AUNIP: variants seen among roughly 807,000 people sequenced by gnomAD.
The protein encoded by AUNIP is aurora kinase A and ninein interacting protein.
AUNIP carries 16 observed loss-of-function variants against 12.2 expected under a neutral mutation model. The ratio of observed to expected loss-of-function variants is 1.31; its 90% confidence interval spans 0.88 to 1.99. The LOEUF (loss-of-function observed/expected upper bound fraction) is 1.99, where lower values mean the gene tolerates loss of function less well. AUNIP is among the 30% of genes most tolerant of loss of function. The probability of loss-of-function intolerance (pLI) is 0.00; values close to 1 mark genes in which losing one functional copy is unlikely to be tolerated. For missense variants in AUNIP, 411 were observed against 419.1 expected, an observed-to-expected ratio of 0.98 and a Z score of 0.17; for synonymous variants, 142 against 154.8, an observed-to-expected ratio of 0.92 and a Z score of 0.61.
chr1:25,843,463 A>C (rs2048359571), intron 1 of AUNIP, among the ~76,000 whole-genome samples: 1 of 151,498 alleles, frequency 6.6e-6, no homozygotes, highest in Non-Finnish European at 1.5e-5. Context: ...GTCAGTAAGA[A>C]CATTCGTGAT....
At position 25,835,373 on chromosome 1, in the gene AUNIP, C is replaced by A. The variant is rs756510862; in HGVS notation, c.694G>T (p.Glu232Ter). ...TTTTCTTTGGCAGACACCTTTCTTT[C>A]CAATTTAGTCTTGCCTAAGGGCTGA... ...CCQPLGKTKL[E>*]RKVSAKENRQ... Residue 232 changes from glutamate (E) to a stop codon, truncating the protein, a stop_gained, in exon 3 of 3, where the codon GAA becomes TAA. Coordinates refer to ENST00000374298, the MANE Select transcript of AUNIP (RefSeq NM_024037.3). LOFTEE classifies it low-confidence loss of function (END_TRUNC). 4.2e-5 allele frequency: 68 copies of A among 1,614,106 alleles called. 1 individual carries two copies. The highest frequency in any genetic ancestry group is 5.8e-5 in the Non-Finnish European group (68 of 1,180,052).
chr1:25,846,349 G>T (rs1167688987), intron 1 of AUNIP, among the ~76,000 whole-genome samples: 4 of 149,578 alleles, frequency 2.7e-5, no homozygotes, highest in Non-Finnish European at 5.9e-5. Context: ...AACTCAGGAG[G>T]TGGAGGCTTC....
chr1:25,847,688 G>A lies in AUNIP; in HGVS notation c.79-10134C>T, dbSNP rs142237449. Among the ~76,000 whole-genome samples, 254 of 152,238 alleles carry A rather than the reference G, an allele frequency of 1.7e-3. 2 individuals are homozygous for A. Among genetic ancestry groups the A allele is most frequent in the East Asian group, 0.011 (57 of 5,178 alleles). ...AATAAACAACTGGCCAGACACAGTGGCTCACACCTGTAATCCCAGCACTTT... is the reference window on the plus strand; with the variant it reads ...AATAAACAACTGGCCAGACACAGTGACTCACACCTGTAATCCCAGCACTTT... On this transcript the variant is annotated intron_variant, in intron 1 of 2. Transcript: ENST00000374298. The surrounding 1 kb of genome is among the most constrained non-coding windows in gnomAD (Gnocchi z 4.2).
At chr1:25,841,776 G>A (rs796988187) in intron 1 of AUNIP, among the ~76,000 whole-genome samples, 13 of 152,050 alleles carry the variant, frequency 8.5e-5, no homozygotes, top group South Asian at 4.1e-4. Context: ...CGCCCGCCTC[G>A]GCCTCCCAAA....
intron 1 of AUNIP, among the ~76,000 whole-genome samples, chr1:25,854,522 C>A (rs966236156): frequency 2.7e-4 from 41 of 152,156 alleles, no homozygotes; most frequent in Admixed American, 2.2e-3. Context: ...GATCTGCAGG[C>A]CTGTGAACTA....
chr1:25,846,530 C>T (rs1331084253), intron 1 of AUNIP, among the ~76,000 whole-genome samples: 1 of 151,752 alleles, frequency 6.6e-6, no homozygotes, highest in African/African-American at 2.4e-5. Context: ...TCAAGACCAG[C>T]CTGGCCAATG....
chr1:25,831,960 T>C, downstream of AUNIP: 1 of 1,614,232 alleles, frequency 6.2e-7, no homozygotes, highest in Non-Finnish European at 8.5e-7. Context: ...CTGCTGTGCT[T>C]ATCTCTGAGG....
At chr1:25,832,295 A>T (rs959606888), downstream of AUNIP, 14 of 1,013,006 alleles carry the variant, frequency 1.4e-5, no homozygotes, top group Non-Finnish European at 1.9e-5. Context: ...GTAAGAGAGA[A>T]GTTGTTTCTG....
At chr1:25,841,565 C>T (rs1314217076) in intron 1 of AUNIP, among the ~76,000 whole-genome samples, 1 of 151,756 alleles carries the variant, frequency 6.6e-6, no homozygotes, top group African/African-American at 2.4e-5. Flanking sequence ...TCGCTGTCAC[C>T]CAGGCTGGAG....
At chr1:25,857,756 G>C (rs956158459) in intron 1 of AUNIP, among the ~76,000 whole-genome samples, 3 of 148,710 alleles carry the variant, frequency 2.0e-5, no homozygotes, top group Non-Finnish European at 4.5e-5. Flanking sequence ...CCAGCTACTC[G>C]GGAGGCTGAG....
At chr1:25,859,237 C>A (rs1280449763) in intron 1 of AUNIP, 43 bp downstream of exon 1, 1 of 1,550,238 alleles carries the variant, frequency 6.5e-7, no homozygotes, top group Admixed American at 1.9e-5. Context: ...CGCCTCCAGG[C>A]CCTACCTGGT....
chr1:25,841,816 G>A (rs114661231), intron 1 of AUNIP, among the ~76,000 whole-genome samples: 3,636 of 152,218 alleles, frequency 0.024, 64 homozygotes, highest in Middle Eastern at 0.075. Context: ...GAGCCACTGC[G>A]CCTGGCCAAT....
rs1200397883 is a variant in AUNIP at position 25,835,216 on chromosome 1, C to G, written c.851G>C (p.Trp284Ser). Residue 284 changes from tryptophan (W) to serine (S), a missense_variant, in exon 3 of 3, where the codon TGG (tryptophan) becomes TCG (serine). Trp to Ser is a radical substitution (Grantham distance 177, BLOSUM62 -3). Coordinates refer to ENST00000374298, the MANE Select transcript of AUNIP (RefSeq NM_024037.3). The stretch of plus-strand genomic sequence containing the variant: ...AGAATCTTCAGTGAAAAGTTGACTC[C>G]AGGAGTCCTTGTCATTCTTTTCATT... ...WDNEKNDKDS[W>S]SQLFTEDSQG... 9.3e-6 allele frequency: 15 copies of G among 1,614,188 alleles called. No homozygotes were observed. Among genetic ancestry groups the G allele is most frequent in the Non-Finnish European group, 1.3e-5 (15 of 1,180,036 alleles).
At chr1:25,849,120 A>G (rs1345061687) in intron 1 of AUNIP, among the ~76,000 whole-genome samples, 1 of 152,188 alleles carries the variant, frequency 6.6e-6, no homozygotes, top group Admixed American at 6.5e-5. Context: ...TGTTTCACAA[A>G]CATCCCTTAT....
chr1:25,851,091 G>T lies in AUNIP; in HGVS notation c.78+8189C>A, dbSNP rs145147983. Among the ~76,000 whole-genome samples the T allele has an allele frequency of 2.5e-3, 385 of 152,258 alleles. 5 individuals are homozygous for T. The highest frequency in any genetic ancestry group is 8.6e-3 in the African/African-American group (357 of 41,566). On this transcript the variant is annotated intron_variant, in intron 1 of 2. Coordinates refer to ENST00000374298, the MANE Select transcript of AUNIP (RefSeq NM_024037.3). ...CTGTTGAGTGTTTTAATCACAAAAT[G>T]ATGTCAGTCAAAATGCTTTTTCTGT...
At chr1:25,858,911 T>C (rs959633216) in intron 1 of AUNIP, among the ~76,000 whole-genome samples, 2 of 152,146 alleles carry the variant, frequency 1.3e-5, no homozygotes, top group African/African-American at 4.8e-5. Context: ...CATCTCCCAA[T>C]GCTCCAGCCT....
At chr1:25,856,414 T>G (rs2048461420) in intron 1 of AUNIP, among the ~76,000 whole-genome samples, 2 of 150,752 alleles carry the variant, frequency 1.3e-5, no homozygotes, top group Non-Finnish European at 1.5e-5. Flanking sequence ...CTGGGCGTAG[T>G]GGCTCACGCC....
At chr1:25,856,279 G>A (rs776121738) in intron 1 of AUNIP, among the ~76,000 whole-genome samples, 1 of 151,518 alleles carries the variant, frequency 6.6e-6, no homozygotes, top group Non-Finnish European at 1.5e-5. Context: ...GCAGAGAATC[G>A]CTTGAATCTG....
At chr1:25,850,423 G>A (rs1056315937) in intron 1 of AUNIP, among the ~76,000 whole-genome samples, 1 of 151,966 alleles carries the variant, frequency 6.6e-6, no homozygotes, top group Non-Finnish European at 1.5e-5. Context: ...TAGATCCCTC[G>A]GATGTCATGA....
Sources: allele counts gnomAD v4.1 joint callset (sites outside exome capture counted in the v4.1 genomes callset), GRCh38; gene constraint gnomAD v4.1.1; non-coding constraint Gnocchi (gnomAD v3.1); transcripts MANE v1.5; gene names NCBI Gene and HGNC (gene_info 2026-07-23, HGNC 2026-07-21).